The following SLC35D4 variants were observed in gnomAD, a reference collection of about 807,000 sequenced individuals.
SLC35D4 encodes the protein UDP-N-acetylglucosamine transporter SLC35D4.
At chr18:23,339,824 G>A in the SLC35D4 span, among the ~76,000 whole-genome samples, 1 of 152,172 alleles carries the variant, frequency 6.6e-6, no homozygotes, top group African/African-American at 2.4e-5. Context: ...CTTTTACAAG[G>A]ACACTAATGC....
the SLC35D4 span, among the ~76,000 whole-genome samples, chr18:23,250,254 CT>C: frequency 6.6e-6 from 1 of 152,202 alleles, no homozygotes; most frequent in Non-Finnish European, 1.5e-5. Flanking sequence ...TTACTTGAGC[CT>C]GCTCACATCA....
the SLC35D4 span, among the ~76,000 whole-genome samples, chr18:23,367,025 C>G: frequency 6.6e-6 from 1 of 152,150 alleles, no homozygotes. Flanking sequence ...ATTTTACCTC[C>G]CTGAATCCCT....
At chr18:23,416,848 A>C in the SLC35D4 span, among the ~76,000 whole-genome samples, 10 of 152,236 alleles carry the variant, frequency 6.6e-5, no homozygotes, top group East Asian at 1.5e-3. Context: ...ACAAATGTCT[A>C]GTGGGTCTCA....
At chr18:23,314,618 T>A in the SLC35D4 span, among the ~76,000 whole-genome samples, 1 of 152,224 alleles carries the variant, frequency 6.6e-6, no homozygotes, top group Non-Finnish European at 1.5e-5. Context: ...AATCTGCCCA[T>A]GAGAAAACTT....
chr18:23,408,797 C>T, the SLC35D4 span, among the ~76,000 whole-genome samples: 4 of 149,746 alleles, frequency 2.7e-5, no homozygotes, highest in African/African-American at 7.4e-5. Flanking sequence ...AGTTATTGTG[C>T]TTTCTATATC....
chr18:23,371,105 C>CTT, the SLC35D4 span, among the ~76,000 whole-genome samples: 10 of 82,824 alleles, frequency 1.2e-4, no homozygotes, highest in African/African-American at 3.0e-4. Context: ...CTCTCTCTTT[C>CTT]TTTTTTTTTG....
chr18:23,405,926 C>T, the SLC35D4 span, among the ~76,000 whole-genome samples: 2 of 152,186 alleles, frequency 1.3e-5, no homozygotes, highest in African/African-American at 4.8e-5. Flanking sequence ...GATTTCCATA[C>T]TTTTCCAGGT....
At chr18:23,289,855 C>A in the SLC35D4 span, among the ~76,000 whole-genome samples, 1 of 152,080 alleles carries the variant, frequency 6.6e-6, no homozygotes, top group African/African-American at 2.4e-5. Flanking sequence ...CACCTTGTGA[C>A]CCCCACTCCT....
At chr18:23,255,669 C>T in the SLC35D4 span, among the ~76,000 whole-genome samples, 1 of 151,746 alleles carries the variant, frequency 6.6e-6, no homozygotes, top group Non-Finnish European at 1.5e-5. Context: ...AAGCAATCCT[C>T]CCATCTCCGC....
At chr18:23,428,284 T>A in the SLC35D4 span, among the ~76,000 whole-genome samples, 2 of 152,014 alleles carry the variant, frequency 1.3e-5, no homozygotes, top group African/African-American at 2.4e-5. Context: ...TACAAGTGGA[T>A]CATATGCATA....
At chr18:23,384,587 G>A in the SLC35D4 span, among the ~76,000 whole-genome samples, 5 of 152,204 alleles carry the variant, frequency 3.3e-5, no homozygotes, top group Admixed American at 6.5e-5. Flanking sequence ...CTGGTATGAG[G>A]TATAGCTGAT....
At chr18:23,240,710 G>A in the SLC35D4 span, among the ~76,000 whole-genome samples, 7 of 152,198 alleles carry the variant, frequency 4.6e-5, no homozygotes, top group Non-Finnish European at 7.3e-5. Context: ...TGCCTGTCCC[G>A]TCTTCCTCGG....
At chr18:23,361,103 CAAAAAAAAAA>C in the SLC35D4 span, among the ~76,000 whole-genome samples, 8 of 94,110 alleles carry the variant, frequency 8.5e-5, no homozygotes, top group Admixed American at 2.7e-4. Context: ...GACTTTGTCT[CAAAAAAAAAA>C]AAAAAAAAAA....
At chr18:23,370,524 A>G in the SLC35D4 span, among the ~76,000 whole-genome samples, 1 of 152,230 alleles carries the variant, frequency 6.6e-6, no homozygotes, top group Non-Finnish European at 1.5e-5. Context: ...GGAAAGCATC[A>G]TGATTATGAA....
the SLC35D4 span, among the ~76,000 whole-genome samples, chr18:23,432,388 G>T: frequency 6.6e-6 from 1 of 152,168 alleles, no homozygotes; most frequent in Non-Finnish European, 1.5e-5. Flanking sequence ...GGTTCTTGAG[G>T]AAAGAGAAGG....
At chr18:23,338,381 T>C in the SLC35D4 span, among the ~76,000 whole-genome samples, 3 of 152,210 alleles carry the variant, frequency 2.0e-5, no homozygotes, top group African/African-American at 4.8e-5. Flanking sequence ...GTTAATTTCA[T>C]GAGAGAATTA....
the SLC35D4 span, among the ~76,000 whole-genome samples, chr18:23,277,777 T>A: frequency 2.0e-5 from 3 of 152,108 alleles, no homozygotes; most frequent in African/African-American, 4.8e-5. Context: ...GCATCAAGAC[T>A]GGGGGTGATT....
the SLC35D4 span, among the ~76,000 whole-genome samples, chr18:23,349,230 T>A: frequency 6.6e-6 from 1 of 152,284 alleles, no homozygotes; most frequent in African/African-American, 2.4e-5. Flanking sequence ...TCAAATATTG[T>A]TCTAACCCTC....
chr18:23,368,636 TC>T, the SLC35D4 span: 1 of 969,940 alleles, frequency 1.0e-6, no homozygotes, highest in Non-Finnish European at 1.5e-6. Context: ...GGCTCAGAAC[TC>T]TTCAATCAAA....
Sources: allele counts gnomAD v4.1 joint callset (sites outside exome capture counted in the v4.1 genomes callset), GRCh38; gene constraint gnomAD v4.1.1; transcripts MANE v1.5; gene names NCBI Gene and HGNC (gene_info 2026-07-23, HGNC 2026-07-21).